The following PLEKHA5 variants were observed in gnomAD, a reference collection of about 807,000 sequenced individuals.
PLEKHA5 encodes pleckstrin homology domain containing A5, also known as pleckstrin homology domain-containing family A member 5.
PLEKHA5 carries 55 observed loss-of-function variants against 181.9 expected under a neutral mutation model. The ratio of observed to expected loss-of-function variants is 0.30; its 90% confidence interval spans 0.24 to 0.38. The LOEUF is 0.38. Ranked by LOEUF, PLEKHA5 falls within the 10% of genes least tolerant of loss-of-function variation. The probability of loss-of-function intolerance (pLI) is 1.00; values close to 1 mark genes in which losing one functional copy is unlikely to be tolerated. For synonymous variants in PLEKHA5, 535 were observed against 529.4 expected (o/e 1.01, Z -0.15); for missense variants, 1,432 against 1,549.5 (o/e 0.92, Z 1.27).
chr12:19,188,100 A>G (rs80151313), intron 3 of PLEKHA5, among the ~76,000 whole-genome samples: 6,098 of 152,324 alleles, frequency 0.04, 289 homozygotes, highest in East Asian at 0.2. Context: ...ATAGAAAAAA[A>G]TGAAGTCAAT....
intron 18 of PLEKHA5, chr12:19,321,752 T>C (rs1416486847): frequency 6.6e-6 from 1 of 152,116 alleles, no homozygotes; most frequent in Non-Finnish European, 1.5e-5. Flanking sequence ...GTTATTTTAA[T>C]AGATAAATGG....
In PLEKHA5 at chr12:19,132,407, TG is replaced by T; in HGVS notation, c.187del (p.Glu63LysfsTer13). ...TATTGTTTTAGATTTGCCTACTGGC[TG>T]GGAAGAAGCATATACTTTTGAAGGT... is the stretch of plus-strand genomic sequence containing the variant. ...RRQSTDLPTG[W>X]EEAYTFEGAR... On this transcript the variant is annotated frameshift_variant, in exon 3 of 32. Transcript: ENST00000429027. LOFTEE classifies it high-confidence loss of function. 6.5e-7 allele frequency: 1 copy of T among 1,545,122 alleles called. No individual in the cohort carries two copies. Among genetic ancestry groups the T allele is most frequent in the Non-Finnish European group, 8.9e-7 (1 of 1,128,642 alleles).
intron 3 of PLEKHA5, chr12:19,146,948 A>T (rs1035513934): frequency 6.6e-6 from 1 of 152,204 alleles, no homozygotes; most frequent in Non-Finnish European, 1.5e-5. Context: ...GCCCATTTTA[A>T]TAGGCTTATG....
intron 29 of PLEKHA5, among the ~76,000 whole-genome samples, chr12:19,363,725 C>T (rs1015807735): frequency 6.6e-6 from 1 of 152,118 alleles, no homozygotes; most frequent in Admixed American, 6.6e-5. Context: ...TTCCTGACCT[C>T]AGGTGATCCA....
chr12:19,159,458 C>T (rs1338122630), intron 3 of PLEKHA5, among the ~76,000 whole-genome samples: 2 of 152,100 alleles, frequency 1.3e-5, no homozygotes, highest in Non-Finnish European at 2.9e-5. Flanking sequence ...ATATAGATAC[C>T]ATTCAGTAGT....
intron 3 of PLEKHA5, chr12:19,151,850 AT>A (rs1414192315): frequency 2.1e-5 from 3 of 139,578 alleles, no homozygotes; most frequent in African/African-American, 7.9e-5. Flanking sequence ...AGCATTTTCT[AT>A]TTTTTGGTCA....
At chr12:19,141,203 A>G (rs1431932089) in intron 3 of PLEKHA5, among the ~76,000 whole-genome samples, 1 of 152,206 alleles carries the variant, frequency 6.6e-6, no homozygotes, top group Non-Finnish European at 1.5e-5. Flanking sequence ...TTTAACCAGA[A>G]AAAATGGTTA....
chr12:19,243,873 GT>G (rs2063138844), intron 3 of PLEKHA5, among the ~76,000 whole-genome samples: 1 of 152,098 alleles, frequency 6.6e-6, no homozygotes, highest in South Asian at 2.1e-4. Flanking sequence ...CACTTTTAAT[GT>G]TTTTCTTTTG....
intron 3 of PLEKHA5, among the ~76,000 whole-genome samples, chr12:19,156,880 A>G (rs954570088): frequency 7.6e-6 from 1 of 131,646 alleles, no homozygotes; most frequent in Non-Finnish European, 1.7e-5. Context: ...ACAAATCTCT[A>G]CTAACAAAAA....
chr12:19,359,472 G>T lies in PLEKHA5; in HGVS notation c.3409G>T (p.Asp1137Tyr). Residue 1137 changes from aspartate (D) to tyrosine (Y), a missense_variant, in exon 28 of 32, where the codon GAC becomes TAC. Physicochemically the swap from Asp to Tyr is radical, Grantham distance 160. Coordinates refer to ENST00000429027, the MANE Select transcript of PLEKHA5 (RefSeq NM_001256470.2). ...CATTAGAGAAAATGATGTAAAGCCA[G>T]ACCATGAAACTCCTGCAACAGAAAT... ...TAIRENDVKP[D>Y]HETPATEIVQ... 1 of 1,613,752 alleles carries T rather than the reference G, an allele frequency of 6.2e-7. No homozygotes were observed. The highest frequency in any genetic ancestry group is 8.5e-7 in the Non-Finnish European group (1 of 1,179,698).
intron 3 of PLEKHA5, chr12:19,150,147 T>C (rs889103807): frequency 6.6e-6 from 1 of 152,240 alleles, no homozygotes. Context: ...TTAGATTATA[T>C]AGAAATCTAT....
chr12:19,183,383 GC>G (rs753231530), intron 3 of PLEKHA5, among the ~76,000 whole-genome samples: 29 of 152,246 alleles, frequency 1.9e-4, no homozygotes, highest in Non-Finnish European at 3.8e-4. Flanking sequence ...CACCAAATGT[GC>G]TTTAGGTACT....
chr12:19,317,228 A>G lies in PLEKHA5; in HGVS notation c.2118+2334A>G, dbSNP rs148367537. ...CAAAATATAAAAAAATTAGCCAGGC[A>G]TGGTGGCACACACCTATAGTCCTAG... is the stretch of plus-strand genomic sequence containing the variant. On this transcript the variant is annotated intron_variant, in intron 16 of 31. Transcript: ENST00000429027. Among the ~76,000 whole-genome samples the G allele has an allele frequency of 5.3e-3, 804 of 152,230 alleles. 9 individuals carry two copies. The highest frequency in any genetic ancestry group is 0.019 in the African/African-American group (771 of 41,542).
intron 7 of PLEKHA5, among the ~76,000 whole-genome samples, chr12:19,265,379 G>T (rs560486839): frequency 5.9e-5 from 9 of 152,288 alleles, no homozygotes; most frequent in Admixed American, 3.9e-4. Context: ...GTCAAGGAAG[G>T]CCTCATTGAT....
At chr12:19,248,552 G>C (rs758403521) in intron 3 of PLEKHA5, among the ~76,000 whole-genome samples, 38 of 151,990 alleles carry the variant, frequency 2.5e-4, no homozygotes, top group Non-Finnish European at 4.3e-4. Flanking sequence ...ACATTATACT[G>C]CAATGGCCTA....
intron 3 of PLEKHA5, among the ~76,000 whole-genome samples, chr12:19,146,025 A>G (rs1387607415): frequency 6.6e-6 from 1 of 152,230 alleles, no homozygotes; most frequent in African/African-American, 2.4e-5. Flanking sequence ...AAAAGCCCCA[A>G]ATGATAACAA....
chr12:19,212,905 C>G (rs538406012), intron 3 of PLEKHA5, among the ~76,000 whole-genome samples: 25 of 148,368 alleles, frequency 1.7e-4, no homozygotes, highest in African/African-American at 5.5e-4. Context: ...AAGCCCAGAT[C>G]TATGTAACTC....
chr12:19,242,541 C>T (rs2062850515), intron 3 of PLEKHA5, among the ~76,000 whole-genome samples: 1 of 152,070 alleles, frequency 6.6e-6, no homozygotes, highest in African/African-American at 2.4e-5. Context: ...ACACCCAGCC[C>T]ATTTTGTAGA....
Position 19,164,203 on chromosome 12 carries a change from T to G in PLEKHA5, c.227+31753T>G, listed in dbSNP as rs536663679. Among the ~76,000 whole-genome samples, 23 of 146,040 alleles carry G rather than the reference T, an allele frequency of 1.6e-4. 1 individual carries two copies. Among genetic ancestry groups the G allele is most frequent in the Middle Eastern group, 3.4e-3 (1 of 290 alleles). On this transcript the variant is annotated intron_variant, in intron 3 of 31. Coordinates refer to ENST00000429027, the MANE Select transcript of PLEKHA5 (RefSeq NM_001256470.2). ...TTGCTCTCCAGATGTTTTTGTTTTT[T>G]TTTTTTTTTTTTTGAGATGGAGTCT...
Sources: gnomAD v4.1 joint callset for allele counts (sites outside exome capture counted in the v4.1 genomes callset) on GRCh38, gnomAD v4.1.1 for gene constraint, MANE v1.5 for transcripts, NCBI Gene and HGNC (gene_info 2026-07-23, HGNC 2026-07-21) for gene names.